SPTB: variants seen among roughly 807,000 people sequenced by gnomAD.
SPTB encodes the protein spectrin beta chain, erythrocytic.
Under a neutral mutation model 256.2 loss-of-function variants are expected in SPTB, and 45 were observed. That is an observed-to-expected ratio of 0.18 (90% CI 0.14 to 0.23). The LOEUF (loss-of-function observed/expected upper bound fraction) is 0.23. Among genes scored for constraint, SPTB ranks in the 10% least tolerant of loss-of-function variants. The pLI is 1.00. For synonymous variants in SPTB, 1,231 were observed against 1,243.1 expected (o/e 0.99, Z 0.21); for missense variants, 2,715 against 3,040.4 (o/e 0.89, Z 2.52).
chr14:64,867,850 A>C (rs1882280642), intron 1 of SPTB, among the ~76,000 whole-genome samples: 1 of 129,792 alleles, frequency 7.7e-6, no homozygotes, highest in African/African-American at 3.4e-5. Context: ...CAACAGGGTG[A>C]CTCTGTCTCA....
At chr14:64,813,636 C>T (rs978188758) in intron 2 of SPTB, among the ~76,000 whole-genome samples, 1 of 152,354 alleles carries the variant, frequency 6.6e-6, no homozygotes, top group Non-Finnish European at 1.5e-5. Flanking sequence ...ATTCTCCTGC[C>T]TCAGCCTCCC....
intron 2 of SPTB, among the ~76,000 whole-genome samples, chr14:64,810,226 T>C (rs1594801495): frequency 6.6e-6 from 1 of 152,226 alleles, no homozygotes; most frequent in East Asian, 1.9e-4. Flanking sequence ...CTGATACAGG[T>C]GGCATTTCTA....
At position 64,749,472 on chromosome 14, in the gene SPTB, T is replaced by A; in HGVS notation, c.6821A>T (p.Glu2274Val). 1 of 1,600,072 alleles carries A rather than the reference T, an allele frequency of 6.2e-7. No homozygotes were observed. The highest frequency in any genetic ancestry group is 8.5e-7 in the Non-Finnish European group (1 of 1,178,094). ...SEWLFHGKDEEEMLSWLQGVS... is the reference protein window; with the variant it reads ...SEWLFHGKDEVEMLSWLQGVS... ...GCCCTGCAGCCAGGACAGCATCTCC[T>A]CCTGCGGGGCGGAGGGTCACGGTGG... Residue 2274 changes from glutamate to valine, a missense_variant and splice_region_variant, in exon 36 of 36, where the codon GAG (glutamate) becomes GTG (valine). Glu to Val is a moderately radical substitution (Grantham distance 121, BLOSUM62 -2). Around this residue, in one of 4 missense-constraint regions of SPTB, gnomAD observed 2,239 missense variants for 2,384.4 expected, o/e 0.94. Coordinates refer to ENST00000644917, the MANE Select transcript of SPTB (RefSeq NM_001355436.2). The surrounding 1 kb of genome is among the most constrained non-coding windows in gnomAD (Gnocchi z 4.7).
rs868407902 is a variant in SPTB, at chr14:64,825,181, G to A, written c.-51-2036C>T. ...AATCAGAAGGGTTTCAGGAGGGCAG[G>A]TGGGGAAAGGACATGGTGCATGGGG... On this transcript the variant is annotated intron_variant, in intron 1 of 35. Transcript: ENST00000644917. This position sits in a 1 kb window ranked among gnomAD's most constrained non-coding sequence, Gnocchi z 4.8. 6.6e-6 allele frequency among the ~76,000 whole-genome samples: 1 copy of A among 152,112 alleles called. No individual in the cohort carries two copies. Among genetic ancestry groups the A allele is most frequent in the African/African-American group, 2.4e-5 (1 of 41,412 alleles).
intron 13 of SPTB, among the ~76,000 whole-genome samples, chr14:64,794,258 G>A (rs2082726975): frequency 6.6e-6 from 1 of 152,228 alleles, no homozygotes; most frequent in African/African-American, 2.4e-5. Flanking sequence ...GACAGAGGGT[G>A]CCTCCTTGGT....
intron 33 of SPTB, chr14:64,752,447 G>A (rs774716370): frequency 7.7e-6 from 3 of 388,610 alleles, no homozygotes; most frequent in East Asian, 1.0e-4. Flanking sequence ...CTGACTCCGC[G>A]CTCAGGGATC....
chr14:64,782,046 A>C (rs1445273761), intron 20 of SPTB, among the ~76,000 whole-genome samples: 2 of 152,204 alleles, frequency 1.3e-5, no homozygotes, highest in African/African-American at 4.8e-5. Context: ...AACAACAGAC[A>C]CTGGGGTGTA....
Position 64,758,012 on chromosome 14 carries a change from T to C in SPTB, c.6346-4219A>G, listed in dbSNP as rs1324190900. ...GAGTGAGAGTCCCTGGAATTCCATC[T>C]GGGGGAAGGGAGAGAACCTTCCTGA... On this transcript the variant is annotated intron_variant, in intron 32 of 35. Transcript: ENST00000644917. The surrounding 1 kb of genome is among the most constrained non-coding windows in gnomAD (Gnocchi z 4.6). Among the ~76,000 whole-genome samples, 1 of 152,008 alleles carries C rather than the reference T, an allele frequency of 6.6e-6. No individual in the cohort carries two copies. The highest frequency in any genetic ancestry group is 1.5e-5 in the Non-Finnish European group (1 of 67,984).
intron 2 of SPTB, among the ~76,000 whole-genome samples, chr14:64,812,950 CA>C (rs2083119534): frequency 6.6e-6 from 1 of 151,914 alleles, no homozygotes. Flanking sequence ...TAATCAAAAA[CA>C]AGGGATGATT....
intron 1 of SPTB, among the ~76,000 whole-genome samples, chr14:64,867,632 T>C (rs1882265738): frequency 1.3e-5 from 2 of 152,092 alleles, no homozygotes; most frequent in Admixed American, 1.3e-4. Context: ...GGCGGGCACA[T>C]CACCTGAGGT....
rs772101765 is a variant in SPTB, at chr14:64,779,720, C to T, written c.4473+5G>A. The T allele has an allele frequency of 6.8e-6, 11 of 1,614,098 alleles. No individual in the cohort carries two copies. The highest frequency in any genetic ancestry group is 2.2e-5 in the East Asian group (1 of 44,884). The stretch of plus-strand genomic sequence containing the variant: ...GGAGGTAGGGAGAAGCTGTGGCCCA[C>T]GCACCGTCTCATCCTCTAAGTCCCG... On this transcript the variant is annotated splice_donor_5th_base_variant and intron_variant, in intron 21 of 35. Coordinates refer to ENST00000644917, the MANE Select transcript of SPTB (RefSeq NM_001355436.2). The surrounding 1 kb of genome is among the most constrained non-coding windows in gnomAD (Gnocchi z 4.2).
intron 23 of SPTB, 129 bp downstream of exon 23, chr14:64,774,996 G>C: frequency 1.5e-6 from 2 of 1,332,910 alleles, no homozygotes; most frequent in South Asian, 1.2e-5. Context: ...GGAGTCTGTG[G>C]GTTCCTTGTG....
Position 64,792,673 on chromosome 14 carries a change from T to C in SPTB, c.2666+324A>G, listed in dbSNP as rs1229353276. Among the ~76,000 whole-genome samples the C allele has an allele frequency of 2.0e-5, 3 of 152,214 alleles. No individual in the cohort carries two copies. The highest frequency in any genetic ancestry group is 1.9e-4 in the East Asian group (1 of 5,176). The stretch of plus-strand genomic sequence containing the variant: ...GGCCTCTCAACCTCCTTCTCCAGAG[T>C]AGCTCCATTTTTCCTCTGTGTGACC... On this transcript the variant is annotated intron_variant, in intron 14 of 35. Transcript: ENST00000644917. The surrounding 1 kb of genome is among the most constrained non-coding windows in gnomAD (Gnocchi z 4.2).
chr14:64,772,594 G>A lies in SPTB; in HGVS notation c.5539C>T (p.Leu1847=). ...GCTGAAGGTACCTGGACACCCAGCAGGTGGAGCTCCCGCTCGAAGGCTGTG... is the reference window on the plus strand; with the variant it reads ...GCTGAAGGTACCTGGACACCCAGCAAGTGGAGCTCCCGCTCGAAGGCTGTG... The part of the protein sequence containing the change: ...VHTAFERELH[L]LGVQVQQFQD... Residue 1847 remains leucine, a synonymous_variant, in exon 26 of 36, where the codon CTG becomes TTG. Coordinates refer to ENST00000644917, the MANE Select transcript of SPTB (RefSeq NM_001355436.2). This position sits in a 1 kb window ranked among gnomAD's most constrained non-coding sequence, Gnocchi z 5.4. 2 of 1,608,764 alleles carry A rather than the reference G, an allele frequency of 1.2e-6. No individual in the cohort carries two copies. Among genetic ancestry groups the A allele is most frequent in the Non-Finnish European group, 1.7e-6 (2 of 1,179,916 alleles).
rs2083349967 is a variant in SPTB, at chr14:64,824,689, A to T, written c.-51-1544T>A. On this transcript the variant is annotated intron_variant, in intron 1 of 35. Transcript: ENST00000644917. The surrounding 1 kb of genome is among the most constrained non-coding windows in gnomAD (Gnocchi z 5.7). ...GGGTGTGTGCACCCACGGCACACAC[A>T]CAGGCTCATATCTGACACACTGACA... Among the ~76,000 whole-genome samples the T allele has an allele frequency of 6.6e-6, 1 of 152,054 alleles. No homozygotes were observed. Among genetic ancestry groups the T allele is most frequent in the Admixed American group, 6.5e-5 (1 of 15,276 alleles).
Position 64,852,055 on chromosome 14 carries a change from T to C in SPTB, c.-52+27737A>G, listed in dbSNP as rs1479726376. 6.6e-6 allele frequency among the ~76,000 whole-genome samples: 1 copy of C among 152,122 alleles called. No individual in the cohort carries two copies. The highest frequency in any genetic ancestry group is 1.5e-5 in the Non-Finnish European group (1 of 68,024). On this transcript the variant is annotated intron_variant, in intron 1 of 35. Coordinates refer to ENST00000644917, the MANE Select transcript of SPTB (RefSeq NM_001355436.2). The surrounding 1 kb of genome is among the most constrained non-coding windows in gnomAD (Gnocchi z 4.2). ...AAATATTTAAAAAGCCCCCAGTAGCTTGCAGTTGAGTATTTGAAAAGTTGT... is the reference window on the plus strand; with the variant it reads ...AAATATTTAAAAAGCCCCCAGTAGCCTGCAGTTGAGTATTTGAAAAGTTGT...
chr14:64,839,295 G>T (rs2083570263), intron 1 of SPTB, among the ~76,000 whole-genome samples: 1 of 152,212 alleles, frequency 6.6e-6, no homozygotes, highest in Admixed American at 6.5e-5. Flanking sequence ...TATCACAGAT[G>T]CATTCTGCTA....
chr14:64,812,191 T>C lies in SPTB; in HGVS notation c.149-7101A>G, dbSNP rs537686329. Among the ~76,000 whole-genome samples, 4 of 152,378 alleles carry C rather than the reference T, an allele frequency of 2.6e-5. No homozygotes were observed. In the East Asian group the frequency reaches 7.7e-4, roughly 29 times the overall value. On this transcript the variant is annotated intron_variant, in intron 2 of 35. Coordinates refer to ENST00000644917, the MANE Select transcript of SPTB (RefSeq NM_001355436.2). ...CTCAAACTCCTCACCTCAGGTGATC[T>C]GCCTGCCTCGGCCTCCCAAGGTGCT...
At chr14:64,768,220 G>A (rs1009612096) in intron 29 of SPTB, 18 of 357,474 alleles carry the variant, frequency 5.0e-5, no homozygotes, top group South Asian at 7.5e-5. Flanking sequence ...TTTTTCTGTC[G>A]TTGTAGATAG....
Sources: gnomAD v4.1 joint callset for allele counts (sites outside exome capture counted in the v4.1 genomes callset) on GRCh38, gnomAD v4.1.1 for gene constraint, gnomAD v4.1.1 regional missense constraint, Gnocchi (gnomAD v3.1) non-coding constraint, MANE v1.5 for transcripts, NCBI Gene and HGNC (gene_info 2026-07-23, HGNC 2026-07-21) for gene names.